Variants in AKNA observed in about 807,000 individuals in gnomAD.
The protein encoded by AKNA is AT-hook transcription factor, also known as microtubule organization protein AKNA.
In AKNA, 67 loss-of-function variants were observed where a neutral mutation model predicts 138.8. The observed-to-expected ratio is 0.48, with a 90% CI of 0.40 to 0.59. AKNA has a LOEUF of 0.59. AKNA is among the 20% of genes least tolerant of loss of function. The probability of loss-of-function intolerance (pLI) is 0.00; values close to 1 mark genes in which losing one functional copy is unlikely to be tolerated. For synonymous variants in AKNA, 737 were observed against 754.4 expected, an observed-to-expected ratio of 0.98 and a Z score of 0.38; for missense variants, 1,813 against 1,880.4, an observed-to-expected ratio of 0.96 and a Z score of 0.66.
chr9:114,346,049 T>C (rs1564619820), intron 17 of AKNA, 40 bp from the exon 18 acceptor site: 5 of 1,434,304 alleles, frequency 3.5e-6, no homozygotes, highest in Non-Finnish European at 4.9e-6. Flanking sequence ...GGGCAAGGGG[T>C]GGGGGTCACA....
intron 1 of AKNA, among the ~76,000 whole-genome samples, chr9:114,383,467 G>A (rs1280234450): frequency 6.6e-6 from 1 of 152,186 alleles, no homozygotes. Context: ...GCCCATCAGT[G>A]CAGCGGCCCC....
At chr9:114,378,139 C>G (rs1350775680) in intron 2 of AKNA, among the ~76,000 whole-genome samples, 1 of 152,194 alleles carries the variant, frequency 6.6e-6, no homozygotes, top group Non-Finnish European at 1.5e-5. Flanking sequence ...CCATCTCTCT[C>G]CATGGCCCCT....
downstream of AKNA, chr9:114,330,751 A>G (rs765109169): frequency 1.2e-6 from 2 of 1,607,988 alleles, no homozygotes; most frequent in Middle Eastern, 1.7e-4. Context: ...CTTCTCCTCG[A>G]TAACATTACT....
At chr9:114,349,216 A>G (rs1219167018) in intron 15 of AKNA, among the ~76,000 whole-genome samples, 1 of 152,154 alleles carries the variant, frequency 6.6e-6, no homozygotes, top group African/African-American at 2.4e-5. Flanking sequence ...GGCGTGAGTC[A>G]GCCACTTGGG....
In AKNA at chr9:114,377,183, G is replaced by A. The variant is rs772222139; in HGVS notation, c.624C>T (p.Leu208=). Residue 208 remains leucine (L), a synonymous_variant, in exon 3 of 22, where the codon CTC becomes CTT. Coordinates refer to ENST00000374088, the MANE Select transcript of AKNA (RefSeq NM_001317950.2). ...AATCAAGGCTGTCACTAGGGTGGTC[G>A]AGGCTCACTGTCCCACTGCTCCAGG... ...ARSWSSGTVS[L]DHPSDSLDST... 6.8e-6 allele frequency: 11 copies of A among 1,614,056 alleles called. No homozygotes were observed. Among genetic ancestry groups the A allele is most frequent in the Middle Eastern group, 1.6e-4 (1 of 6,084 alleles).
chr9:114,381,296 G>A lies in AKNA; in HGVS notation c.38C>T (p.Pro13Leu). Residue 13 changes from proline to leucine, a missense_variant, in exon 2 of 22, where the codon CCT becomes CTT. Coordinates refer to ENST00000374088, the MANE Select transcript of AKNA (RefSeq NM_001317950.2). Reference protein sequence around the residue: ...SSETEIRWAEPGLGKGPQRRR... With the variant: ...SSETEIRWAELGLGKGPQRRR... ...CCGCTGGGGGCCCTTCCCCAGGCCAGGCTCAGCCCAGCGGATCTCAGTCTC... is the reference window on the plus strand; with the variant it reads ...CCGCTGGGGGCCCTTCCCCAGGCCAAGCTCAGCCCAGCGGATCTCAGTCTC... 1 of 1,609,884 alleles carries A rather than the reference G, an allele frequency of 6.2e-7. No individual in the cohort carries two copies. Among genetic ancestry groups the A allele is most frequent in the Non-Finnish European group, 8.5e-7 (1 of 1,178,012 alleles).
intron 7 of AKNA, among the ~76,000 whole-genome samples, chr9:114,363,505 T>C (rs994779338): frequency 7.2e-5 from 11 of 152,278 alleles, no homozygotes; most frequent in African/African-American, 2.2e-4. Context: ...CTGGATGATA[T>C]TACATGATAC....
intron 19 of AKNA, 54 bp from the exon 20 acceptor site, chr9:114,342,179 A>C: frequency 3.7e-6 from 5 of 1,348,564 alleles, no homozygotes; most frequent in Non-Finnish European, 5.0e-6. Context: ...TCATCAGATC[A>C]GGAGCCCCCA....
intron 2 of AKNA, among the ~76,000 whole-genome samples, 196 bp downstream of exon 2, chr9:114,380,864 T>TC (rs1160249391): frequency 2.0e-5 from 3 of 147,536 alleles, no homozygotes; most frequent in Non-Finnish European, 3.0e-5. Context: ...ATGCCTGTAA[T>TC]CCCAGCTACT....
chr9:114,395,207 T>C (rs553603140), upstream of AKNA, among the ~76,000 whole-genome samples: 144 of 152,302 alleles, frequency 9.5e-4, 4 homozygotes, highest in South Asian at 0.028. Flanking sequence ...TATCCTCATC[T>C]ACAGACAGAG....
intron 1 of AKNA, among the ~76,000 whole-genome samples, chr9:114,382,841 C>G (rs538345309): frequency 6.6e-6 from 1 of 152,086 alleles, no homozygotes; most frequent in African/African-American, 2.4e-5. Flanking sequence ...AGAGCGGGCA[C>G]TAAATGCTTG....
At chr9:114,378,942 T>TC (rs747958432) in intron 2 of AKNA, among the ~76,000 whole-genome samples, 2 of 152,176 alleles carry the variant, frequency 1.3e-5, no homozygotes, top group Non-Finnish European at 2.9e-5. Context: ...CACTCTCTGT[T>TC]CCTCCATGCT....
At chr9:114,350,211 C>T (rs1831008386) in intron 15 of AKNA, among the ~76,000 whole-genome samples, 1 of 152,138 alleles carries the variant, frequency 6.6e-6, no homozygotes, top group South Asian at 2.1e-4. Context: ...GACAAGGAAG[C>T]CAAACACCAG....
chr9:114,379,378 A>G (rs1833473017), intron 2 of AKNA, among the ~76,000 whole-genome samples: 1 of 152,264 alleles, frequency 6.6e-6, no homozygotes, highest in Non-Finnish European at 1.5e-5. Context: ...AGGACAAGGT[A>G]GCAGCTGTTA....
At chr9:114,391,623 C>T (rs1286187795), upstream of AKNA, among the ~76,000 whole-genome samples, 3 of 152,014 alleles carry the variant, frequency 2.0e-5, no homozygotes, top group Non-Finnish European at 4.4e-5. Flanking sequence ...CTGAGGTGGG[C>T]GGATCACCTG....
chr9:114,383,297 CCT>C, intron 1 of AKNA: 1 of 441,676 alleles, frequency 2.3e-6, no homozygotes, highest in Non-Finnish European at 4.5e-6. Flanking sequence ...TTTCCTTCTC[CCT>C]CTCATCTCCT....
At position 114,362,443 on chromosome 9, in the gene AKNA, C is replaced by T. The variant is rs558018170; in HGVS notation, c.1879G>A (p.Gly627Ser). 1.1e-5 allele frequency: 18 copies of T among 1,612,880 alleles called. No individual in the cohort carries two copies. Among genetic ancestry groups the T allele is most frequent in the East Asian group, 8.9e-5 (4 of 44,852 alleles). ...REQHPAQPLA[G>S]SKGTPGRFDP... ...AATCTTCCAGGCGTCCCCTTGGAGC[C>T]GGCAAGCGGCTGGGCAGGGTGTTGC... The change falls in exon 8 of 22, where the codon GGC becomes AGC. Residue 627 changes from glycine to serine, a missense_variant. Gly to Ser is a moderately conservative substitution (Grantham distance 56, BLOSUM62 0). Coordinates refer to ENST00000374088, the MANE Select transcript of AKNA (RefSeq NM_001317950.2).
intron 6 of AKNA, 142 bp from the exon 7 acceptor site, chr9:114,364,761 G>A: frequency 1.3e-6 from 1 of 772,746 alleles, no homozygotes; most frequent in Non-Finnish European, 2.2e-6. Context: ...AGACGTGGGT[G>A]CTGGGAACAG....
At chr9:114,353,018 G>A (rs1011393689) in intron 14 of AKNA, among the ~76,000 whole-genome samples, 1 of 152,146 alleles carries the variant, frequency 6.6e-6, no homozygotes, top group Non-Finnish European at 1.5e-5. Context: ...GACTAAATGG[G>A]ACTTCAGTGA....
Sources: gnomAD v4.1 joint callset for allele counts (sites outside exome capture counted in the v4.1 genomes callset) on GRCh38, gnomAD v4.1.1 for gene constraint, MANE v1.5 for transcripts, NCBI Gene and HGNC (gene_info 2026-07-23, HGNC 2026-07-21) for gene names.